The following CLIP2 variants were observed in gnomAD, a reference collection of about 807,000 sequenced individuals.
CLIP2 encodes CAP-Gly domain-containing linker protein 2.
A neutral mutation model predicts 111.7 loss-of-function variants in CLIP2; 41 were observed. The observed-to-expected ratio is 0.37, with a 90% CI of 0.29 to 0.48. The LOEUF (loss-of-function observed/expected upper bound fraction) is 0.48. CLIP2 is among the 20% of genes least tolerant of loss of function. The pLI is 0.99. For synonymous variants in CLIP2, 660 were observed against 644.2 expected, an observed-to-expected ratio of 1.02 and a Z score of -0.37; for missense variants, 1,160 against 1,422.1, an observed-to-expected ratio of 0.82 and a Z score of 2.96.
intron 9 of CLIP2, among the ~76,000 whole-genome samples, chr7:74,373,307 G>A (rs1206854099): frequency 6.6e-6 from 1 of 152,080 alleles, no homozygotes; most frequent in African/African-American, 2.4e-5. Context: ...AGACCAGCCT[G>A]GCCAACATGG....
rs1236349683 is a variant in CLIP2, at chr7:74,401,493, TAA to T, written c.3067-11_3067-10del. On this transcript the variant is annotated splice_polypyrimidine_tract_variant and intron_variant, in intron 15 of 16. Coordinates refer to ENST00000223398, the MANE Select transcript of CLIP2 (RefSeq NM_003388.5). The stretch of plus-strand genomic sequence containing the variant: ...GGTGCACCTGGCTCAGTGTCTCCCC[TAA>T]CTCTTCCAGACCATCGGCAATTCCG... 8.7e-6 allele frequency: 14 copies of T among 1,613,624 alleles called. No homozygotes were observed. Among genetic ancestry groups the T allele is most frequent in the African/African-American group, 1.3e-5 (1 of 74,918 alleles).
intron 1 of CLIP2, among the ~76,000 whole-genome samples, chr7:74,294,554 A>G (rs1788118000): frequency 6.6e-6 from 1 of 152,066 alleles, no homozygotes; most frequent in Non-Finnish European, 1.5e-5. Flanking sequence ...CCTTGGGATG[A>G]GAGGGCGGAA....
At chr7:74,358,499 C>G (rs1401785098) in intron 6 of CLIP2, among the ~76,000 whole-genome samples, 1 of 151,980 alleles carries the variant, frequency 6.6e-6, no homozygotes, top group Non-Finnish European at 1.5e-5. Context: ...TTGGCCTAAT[C>G]TGCTTTTCTT....
chr7:74,327,794 G>A (rs912901627), intron 2 of CLIP2, among the ~76,000 whole-genome samples: 2 of 152,168 alleles, frequency 1.3e-5, no homozygotes, highest in African/African-American at 4.8e-5. Context: ...GCGGGGGTCC[G>A]GCTGCCAGCA....
chr7:74,318,096 G>A (rs1014775189), intron 2 of CLIP2, among the ~76,000 whole-genome samples: 4 of 151,930 alleles, frequency 2.6e-5, no homozygotes, highest in Non-Finnish European at 4.4e-5. Context: ...TACTCGAGAG[G>A]CTGAGAGAGG....
intron 10 of CLIP2, among the ~76,000 whole-genome samples, chr7:74,378,717 G>C (rs1412508160): frequency 1.3e-5 from 2 of 152,180 alleles, no homozygotes; most frequent in Admixed American, 1.3e-4. Flanking sequence ...TCCAGCCTGA[G>C]TGACAGTGTG....
At chr7:74,374,235 TGTGTGCAG>T (rs1367988820) in intron 9 of CLIP2, among the ~76,000 whole-genome samples, 1 of 152,250 alleles carries the variant, frequency 6.6e-6, no homozygotes, top group Non-Finnish European at 1.5e-5. Flanking sequence ...GCTGTGTGCA[TGTGTGCAG>T]GTGTCCAGAG....
At chr7:74,306,019 G>T (rs907113360) in intron 1 of CLIP2, among the ~76,000 whole-genome samples, 2 of 152,032 alleles carry the variant, frequency 1.3e-5, no homozygotes, top group Non-Finnish European at 2.9e-5. Context: ...GACCCTGCCT[G>T]TCTCTCATAC....
chr7:74,330,968 G>A (rs57236819), intron 2 of CLIP2, among the ~76,000 whole-genome samples: 18 of 151,902 alleles, frequency 1.2e-4, no homozygotes, highest in African/African-American at 4.4e-4. Context: ...ACTTTGGGAG[G>A]CTGAGGTGGG....
Position 74,357,366 on chromosome 7 carries a change from T to C in CLIP2, c.1104T>C (p.Ile368=), listed in dbSNP as rs782525127. The change falls in exon 6 of 17, where the codon ATT becomes ATC. Residue 368 remains isoleucine (I), a synonymous_variant. Transcript: ENST00000223398. The part of the protein sequence containing the change: ...QEALKEKQQH[I]EQLLAERDLE... ...CACTGAAGGAGAAGCAGCAGCACAT[T>C]GAGCAGCTGCTGGCTGAACGAGACC... The C allele has an allele frequency of 1.2e-6, 2 of 1,614,026 alleles. No individual in the cohort carries two copies. The highest frequency in any genetic ancestry group is 1.7e-6 in the Non-Finnish European group (2 of 1,179,978).
intron 3 of CLIP2, among the ~76,000 whole-genome samples, chr7:74,344,053 G>T (rs1472265396): frequency 2.0e-5 from 3 of 152,164 alleles, no homozygotes; most frequent in Non-Finnish European, 2.9e-5. Flanking sequence ...GAGGCTCTGG[G>T]GGTTACTGAC....
chr7:74,325,360 G>A (rs1230022847), intron 2 of CLIP2, among the ~76,000 whole-genome samples: 10 of 152,274 alleles, frequency 6.6e-5, no homozygotes, highest in Non-Finnish European at 2.9e-5. Flanking sequence ...GTGGAGCAGC[G>A]TGGCGAGGGA....
chr7:74,360,425 C>G (rs1474186571), intron 7 of CLIP2, 147 bp downstream of exon 7: 5 of 594,972 alleles, frequency 8.4e-6, no homozygotes, highest in African/African-American at 7.5e-5. Flanking sequence ...GACATTAACT[C>G]TTGGGCCTCA....
chr7:74,403,183 C>T (rs540702862), intron 16 of CLIP2, among the ~76,000 whole-genome samples: 3 of 144,636 alleles, frequency 2.1e-5, no homozygotes, highest in Non-Finnish European at 4.5e-5. Context: ...CGTGCCACTG[C>T]ACTCTAGCCT....
chr7:74,358,902 T>C (rs928642000), intron 6 of CLIP2, among the ~76,000 whole-genome samples: 1 of 152,188 alleles, frequency 6.6e-6, no homozygotes, highest in Non-Finnish European at 1.5e-5. Context: ...CATTGCTGTC[T>C]ATCACAGGCT....
At chr7:74,334,368 G>A (rs1262896014) in intron 2 of CLIP2, among the ~76,000 whole-genome samples, 1 of 152,048 alleles carries the variant, frequency 6.6e-6, no homozygotes, top group Non-Finnish European at 1.5e-5. Context: ...ACTGGTCCCT[G>A]GGCCTGTGAC....
chr7:74,335,369 A>AT (rs564118628), intron 2 of CLIP2, among the ~76,000 whole-genome samples: 174 of 149,422 alleles, frequency 1.2e-3, no homozygotes, highest in Admixed American at 5.2e-3. Flanking sequence ...TGTTATATTT[A>AT]TTTTTTGTAG....
intron 2 of CLIP2, among the ~76,000 whole-genome samples, chr7:74,328,889 C>A (rs1789195393): frequency 1.3e-5 from 2 of 151,036 alleles, no homozygotes; most frequent in African/African-American, 4.9e-5. Context: ...CCACCATGCC[C>A]TGCTAATTTT....
intron 13 of CLIP2, among the ~76,000 whole-genome samples, chr7:74,396,853 G>A (rs1243674561): frequency 6.6e-6 from 1 of 151,936 alleles, no homozygotes; most frequent in African/African-American, 2.4e-5. Context: ...AAGTACTCTA[G>A]GAAAGGTCAA....
Sources: allele counts gnomAD v4.1 joint callset (sites outside exome capture counted in the v4.1 genomes callset), GRCh38; gene constraint gnomAD v4.1.1; transcripts MANE v1.5; gene names NCBI Gene and HGNC (gene_info 2026-07-23, HGNC 2026-07-21).